The following DGAT2 variants were observed in gnomAD, a reference collection of about 807,000 sequenced individuals.
The protein encoded by DGAT2 is acyl-CoA retinol O-fatty-acyltransferase.
DGAT2 carries 33 observed loss-of-function variants against 48.4 expected under a neutral mutation model. The ratio of observed to expected loss-of-function variants is 0.68; its 90% CI spans 0.52 to 0.91. DGAT2 has a LOEUF of 0.91. DGAT2 is among the 40% of genes least tolerant of loss of function. The pLI, the probability that DGAT2 is intolerant of heterozygous loss-of-function variation, is 0.00. For missense variants in DGAT2, 446 were observed against 493.7 expected (o/e 0.90, Z 0.92); for synonymous variants, 191 against 194.1 (o/e 0.98, Z 0.13).
At chr11:75,790,072 C>A (rs1944968083) in intron 2 of DGAT2, 116 bp from the exon 3 acceptor site, 2 of 762,908 alleles carry the variant, frequency 2.6e-6, no homozygotes, top group Middle Eastern at 3.8e-4. Flanking sequence ...GGGCCCCATG[C>A]CCATGGCCCT....
intron 2 of DGAT2, among the ~76,000 whole-genome samples, chr11:75,786,198 C>G (rs1944921120): frequency 6.6e-6 from 1 of 152,188 alleles, no homozygotes. Context: ...AACAGTCTCC[C>G]TCAGGACTCA....
intron 6 of DGAT2, among the ~76,000 whole-genome samples, chr11:75,797,549 G>A (rs1945070449): frequency 1.3e-5 from 2 of 152,218 alleles, no homozygotes; most frequent in South Asian, 4.1e-4. Context: ...TGTGGCCTGT[G>A]GGCCCTTGCA....
At chr11:75,786,985 C>G (rs1944929294) in intron 2 of DGAT2, among the ~76,000 whole-genome samples, 1 of 152,144 alleles carries the variant, frequency 6.6e-6, no homozygotes, top group Non-Finnish European at 1.5e-5. Context: ...TAACAGGTGC[C>G]TTTTTATTAC....
rs188152200 is a variant in DGAT2, at chr11:75,781,382, G to A, written c.122-3236G>A. Among the ~76,000 whole-genome samples the A allele has an allele frequency of 2.8e-3, 431 of 152,222 alleles. 3 individuals are homozygous for A. The highest frequency in any genetic ancestry group is 4.9e-3 in the Non-Finnish European group (331 of 68,042). Reference sequence around the variant, plus strand: ...CTCTGCCTAGAATATTTCTGAGGTGGACTGGGGGCTCCCACTGGCCCGGGG... The same window carrying A: ...CTCTGCCTAGAATATTTCTGAGGTGAACTGGGGGCTCCCACTGGCCCGGGG... On this transcript the variant is annotated intron_variant, in intron 1 of 7. Transcript: ENST00000228027.
At chr11:75,796,557 T>A in intron 5 of DGAT2, 25 bp downstream of exon 5, 1 of 1,604,842 alleles carries the variant, frequency 6.2e-7, no homozygotes, top group Non-Finnish European at 8.5e-7. Context: ...CCTGTGCTCC[T>A]GCTGGGCACT....
At chr11:75,770,454 C>G (rs1461260552) in intron 1 of DGAT2, among the ~76,000 whole-genome samples, 1 of 152,180 alleles carries the variant, frequency 6.6e-6, no homozygotes, top group Non-Finnish European at 1.5e-5. Flanking sequence ...TCTGACAGCC[C>G]CTTCTCTCAC....
In DGAT2 at chr11:75,796,312, A is replaced by G. The variant is rs780412525; in HGVS notation, c.430-16A>G. ...TCTCCCAGCCAGTTTCCTCTGACCC[A>G]AGGTCATCCTTGCAGCTGGTGAAGA... On this transcript the variant is annotated splice_polypyrimidine_tract_variant and intron_variant, in intron 4 of 7. Transcript: ENST00000228027. 3 of 1,611,420 alleles carry G rather than the reference A, an allele frequency of 1.9e-6. No individual in the cohort carries two copies. In the Admixed American group the frequency reaches 5.0e-5, roughly 27 times the overall value.
chr11:75,796,044 A>C (rs532034945), intron 4 of DGAT2: 101 of 396,046 alleles, frequency 2.6e-4, no homozygotes, highest in African/African-American at 1.9e-3. Flanking sequence ...GGAGGCTGGC[A>C]GAGTGCAAAG....
At chr11:75,800,275 C>G in intron 7 of DGAT2, 79 bp from the exon 8 acceptor site, 1 of 1,524,280 alleles carries the variant, frequency 6.6e-7, no homozygotes, top group East Asian at 2.4e-5. Context: ...CACAGCCCAG[C>G]GTCACCACCT....
Position 75,782,842 on chromosome 11 carries a change from T to C in DGAT2, c.122-1776T>C, listed in dbSNP as rs1590868368. ...CAGGGTCAGGAATGCTGGGTTTCAG[T>C]CCTGGCTCTGCCGCCTACTGCCTGG... is the stretch of plus-strand genomic sequence containing the variant. On this transcript the variant is annotated intron_variant, in intron 1 of 7. Transcript: ENST00000228027. Among the ~76,000 whole-genome samples the C allele has an allele frequency of 4.6e-5, 7 of 152,282 alleles. No homozygotes were observed. In the South Asian group the frequency reaches 1.5e-3, roughly 32 times the overall value.
chr11:75,785,783 G>A (rs2135769597), intron 2 of DGAT2, among the ~76,000 whole-genome samples: 1 of 152,336 alleles, frequency 6.6e-6, no homozygotes, highest in African/African-American at 2.4e-5. Context: ...CTTCAGGCAG[G>A]TGCATGGGGC....
At chr11:75,796,793 C>A in intron 5 of DGAT2, 1 of 533,120 alleles carries the variant, frequency 1.9e-6, no homozygotes, top group East Asian at 3.2e-5. Flanking sequence ...CCTTGTGTTG[C>A]CTTTTGTACA....
intron 1 of DGAT2, chr11:75,776,329 T>G (rs1358017973): frequency 6.6e-6 from 1 of 152,262 alleles, no homozygotes; most frequent in South Asian, 2.1e-4. Context: ...AGGGCCCAGA[T>G]GAATGAGACA....
intron 2 of DGAT2, among the ~76,000 whole-genome samples, chr11:75,785,860 T>C (rs960237489): frequency 6.6e-6 from 1 of 152,154 alleles, no homozygotes; most frequent in African/African-American, 2.4e-5. Context: ...AAATGCAAAT[T>C]CACAAAGGTT....
Position 75,800,580 on chromosome 11 carries a change from G to A in DGAT2, c.*72G>A. ...TTTTTTGCTCTGTAAATTTGGAAGT[G>A]TCATGGGTGTCTGTGGGTTATTTAA... is the stretch of plus-strand genomic sequence containing the variant. On this transcript the variant is annotated 3_prime_UTR_variant, in exon 8 of 8. Coordinates refer to ENST00000228027, the MANE Select transcript of DGAT2 (RefSeq NM_032564.5). 3 of 1,524,736 alleles carry A rather than the reference G, an allele frequency of 2.0e-6. No individual in the cohort carries two copies. The highest frequency in any genetic ancestry group is 2.7e-6 in the Non-Finnish European group (3 of 1,125,490). The allele number at this position is 1,524,736 out of a possible 1,614,324, so 94.5% of individuals were successfully genotyped here. A position where few individuals can be genotyped will look rare whatever the true frequency, so the allele number is the denominator to read the frequency against.
intron 1 of DGAT2, among the ~76,000 whole-genome samples, chr11:75,770,727 C>T (rs913448043): frequency 1.3e-5 from 2 of 152,032 alleles, no homozygotes; most frequent in African/African-American, 2.4e-5. Flanking sequence ...TGTACTCTAG[C>T]GAATGGTTTT....
At position 75,797,422 on chromosome 11, in the gene DGAT2, C is replaced by A. The variant is rs1015531951; in HGVS notation, c.809+90C>A. 6.1e-6 allele frequency: 8 copies of A among 1,306,144 alleles called. No homozygotes were observed. The East Asian group carries it at 2.2e-4, about 37-fold the overall frequency. 80.9% of individuals were successfully genotyped at this position (1,306,144 alleles called of 1,614,324 possible). On this transcript the variant is annotated intron_variant, in intron 6 of 7. Transcript: ENST00000228027. ...TTGGCCCCTGAAGACAGGACCCAGACCCCAGGAAGGCATGGAAGGGAGTCA... is the reference window on the plus strand; with the variant it reads ...TTGGCCCCTGAAGACAGGACCCAGAACCCAGGAAGGCATGGAAGGGAGTCA...
At chr11:75,792,485 C>T (rs1590873877) in intron 4 of DGAT2, 1 of 152,064 alleles carries the variant, frequency 6.6e-6, no homozygotes, top group African/African-American at 2.4e-5. Flanking sequence ...TGTGTGTGAC[C>T]CTCCTGTCCC....
intron 1 of DGAT2, among the ~76,000 whole-genome samples, chr11:75,778,457 C>T (rs140374989): frequency 4.3e-4 from 66 of 152,304 alleles, no homozygotes; most frequent in African/African-American, 1.5e-3. Flanking sequence ...ATACTCCTTC[C>T]CACTCTGGAG....
Sources: gnomAD v4.1 joint callset for allele counts (sites outside exome capture counted in the v4.1 genomes callset) on GRCh38, gnomAD v4.1.1 for gene constraint, MANE v1.5 for transcripts, NCBI Gene and HGNC (gene_info 2026-07-23, HGNC 2026-07-21) for gene names.